CD1B: variants seen among roughly 807,000 people sequenced by gnomAD.
CD1B encodes the protein CD1b molecule.
In CD1B, 43 loss-of-function variants were observed where a neutral mutation model predicts 39.8. The ratio of observed to expected loss-of-function variants is 1.08; its 90% confidence interval spans 0.85 to 1.39. The LOEUF (loss-of-function observed/expected upper bound fraction) is 1.39, where lower values mean the gene tolerates loss of function less well. Ranked by LOEUF, CD1B falls within the 40% of genes most tolerant of loss-of-function variation. The probability of loss-of-function intolerance (pLI) is 0.00; values close to 1 mark genes in which losing one functional copy is unlikely to be tolerated. For missense variants in CD1B, 495 were observed against 403.8 expected (o/e 1.23, Z -1.94); for synonymous variants, 192 against 152.5 (o/e 1.26, Z -1.91).
downstream of CD1B, among the ~76,000 whole-genome samples, chr1:158,323,179 C>CT (rs368619957): frequency 4.6e-5 from 7 of 150,862 alleles, no homozygotes; most frequent in African/African-American, 7.3e-5. Context: ...TCACTTGTTT[C>CT]TTTTTTTTTA....
intron 2 of CD1B, chr1:158,330,560 C>G (rs539270187): frequency 1.5e-6 from 1 of 685,326 alleles, no homozygotes; most frequent in East Asian, 2.8e-5. Context: ...AAACCAGCAG[C>G]TGGTTACAAA....
At chr1:158,294,509 T>A in the CD1B span, among the ~76,000 whole-genome samples, 1 of 152,216 alleles carries the variant, frequency 6.6e-6, no homozygotes, top group Non-Finnish European at 1.5e-5. Context: ...TTTCAAAAAA[T>A]TTTAAATAGA....
the CD1B span, chr1:158,293,428 G>A: frequency 9.9e-6 from 16 of 1,612,638 alleles, no homozygotes; most frequent in Admixed American, 2.7e-4. Context: ...CTTATTCAGG[G>A]TTTCTCCCAT....
At chr1:158,299,228 C>A in the CD1B span, among the ~76,000 whole-genome samples, 1 of 152,020 alleles carries the variant, frequency 6.6e-6, no homozygotes, top group South Asian at 2.1e-4. Flanking sequence ...GCATGAACAG[C>A]TGTTGAATTT....
chr1:158,321,340 G>T, the CD1B span, among the ~76,000 whole-genome samples: 1 of 151,722 alleles, frequency 6.6e-6, no homozygotes, highest in Non-Finnish European at 1.5e-5. Flanking sequence ...GCTCCATTTT[G>T]CTCTCCATTT....
At chr1:158,316,537 T>C in the CD1B span, among the ~76,000 whole-genome samples, 1 of 152,072 alleles carries the variant, frequency 6.6e-6, no homozygotes, top group East Asian at 1.9e-4. Flanking sequence ...AAGTTGCTTA[T>C]CTGCTTAAGG....
the CD1B span, among the ~76,000 whole-genome samples, chr1:158,317,028 A>G: frequency 6.6e-6 from 1 of 151,640 alleles, no homozygotes; most frequent in East Asian, 1.9e-4. Context: ...ATGGTGGATA[A>G]GCTTTTTGAT....
chr1:158,298,140 G>A, the CD1B span, among the ~76,000 whole-genome samples: 1 of 151,922 alleles, frequency 6.6e-6, no homozygotes, highest in African/African-American at 2.4e-5. Flanking sequence ...CTGTCAAAAA[G>A]GACATAGAAA....
chr1:158,322,290 G>T, the CD1B span, among the ~76,000 whole-genome samples: 1 of 152,152 alleles, frequency 6.6e-6, no homozygotes, highest in Non-Finnish European at 1.5e-5. Flanking sequence ...AGGCTGGAGT[G>T]CTGTGACTCA....
chr1:158,329,452 A>T lies in CD1B; in HGVS notation c.804T>A (p.Asp268Glu), dbSNP rs1557821400. The change falls in exon 4 of 6, where the codon GAT becomes GAA. Residue 268 changes from aspartate (D) to glutamate (E), a missense_variant. Coordinates refer to ENST00000368168, the MANE Select transcript of CD1B (RefSeq NM_001764.3). ...NWTWYLRATLDVADGEAAGLS... is the reference protein window; with the variant it reads ...NWTWYLRATLEVADGEAAGLS... ...GGCCAGCCGCCTCCCCATCTGCCAC[A>T]TCCAGGGTTGCTCGGAGATACCATG... is the stretch of plus-strand genomic sequence containing the variant. 6.2e-7 allele frequency: 1 copy of T among 1,614,170 alleles called. No individual in the cohort carries two copies. Among genetic ancestry groups the T allele is most frequent in the African/African-American group, 1.3e-5 (1 of 75,032 alleles).
At chr1:158,303,348 G>A in the CD1B span, among the ~76,000 whole-genome samples, 3 of 152,178 alleles carry the variant, frequency 2.0e-5, no homozygotes, top group East Asian at 1.9e-4. Flanking sequence ...AAAGCTTGAA[G>A]CATTCCCTTT....
the CD1B span, among the ~76,000 whole-genome samples, chr1:158,314,171 G>T: frequency 6.6e-6 from 1 of 152,050 alleles, no homozygotes; most frequent in Admixed American, 6.6e-5. Flanking sequence ...TGCAACCTCT[G>T]CCTCCCAGGT....
chr1:158,309,582 A>G, the CD1B span, among the ~76,000 whole-genome samples: 2 of 152,204 alleles, frequency 1.3e-5, no homozygotes, highest in African/African-American at 4.8e-5. Flanking sequence ...GAACCAACCC[A>G]AATGTCTAAC....
chr1:158,291,946 T>A, the CD1B span: 1 of 815,562 alleles, frequency 1.2e-6, no homozygotes, highest in Non-Finnish European at 1.9e-6. Context: ...CTCTTGTTTC[T>A]GATCAAATAT....
downstream of CD1B, chr1:158,327,853 T>C (rs1183130751): frequency 1.2e-5 from 2 of 167,798 alleles, no homozygotes; most frequent in African/African-American, 2.4e-5. Context: ...AATACAGTGA[T>C]TCTGGCATAA....
chr1:158,316,314 T>C, the CD1B span, among the ~76,000 whole-genome samples: 1 of 151,880 alleles, frequency 6.6e-6, no homozygotes, highest in Non-Finnish European at 1.5e-5. Context: ...CCATTTGTTT[T>C]TATCCTCTTT....
At chr1:158,329,781 C>A in intron 3 of CD1B, 71 bp downstream of exon 3, 1 of 1,566,472 alleles carries the variant, frequency 6.4e-7, no homozygotes, top group East Asian at 2.2e-5. Flanking sequence ...ATTTAAGCTC[C>A]TATCCTTTGA....
intron 5 of CD1B, among the ~76,000 whole-genome samples, chr1:158,328,469 A>G (rs1652442982): frequency 6.6e-6 from 1 of 152,202 alleles, no homozygotes; most frequent in Admixed American, 6.5e-5. Context: ...CAATGAGGAT[A>G]TTACGCTAAA....
the CD1B span, among the ~76,000 whole-genome samples, chr1:158,306,738 C>T: frequency 5.9e-5 from 9 of 152,290 alleles, no homozygotes; most frequent in South Asian, 1.9e-3. Flanking sequence ...GTCTCTCAGA[C>T]CACAGTGCAA....
Sources: gnomAD v4.1 joint callset for allele counts (sites outside exome capture counted in the v4.1 genomes callset) on GRCh38, gnomAD v4.1.1 for gene constraint, MANE v1.5 for transcripts, NCBI Gene and HGNC (gene_info 2026-07-23, HGNC 2026-07-21) for gene names.